Variants in BLTP1 observed in about 807,000 individuals in gnomAD.
The protein encoded by BLTP1 is bridge-like lipid transfer protein family member 1.
chr4:122,327,271 C>T, the BLTP1 span, among the ~76,000 whole-genome samples: 2 of 151,686 alleles, frequency 1.3e-5, no homozygotes, highest in East Asian at 3.9e-4. Flanking sequence ...CACAAATACT[C>T]GAGTCCCTTT....
chr4:122,331,868 C>A, the BLTP1 span: 2 of 669,698 alleles, frequency 3.0e-6, no homozygotes, highest in Non-Finnish European at 1.8e-6. Context: ...TAAAGAACAA[C>A]ACAATGCTCA....
At chr4:122,325,268 G>T in the BLTP1 span, 1 of 1,609,394 alleles carries the variant, frequency 6.2e-7, no homozygotes, top group Middle Eastern at 1.7e-4. Flanking sequence ...CCAGAAATCC[G>T]TGTGGATGCA....
chr4:122,185,158 C>T, the BLTP1 span: 1 of 983,570 alleles, frequency 1.0e-6, no homozygotes, highest in Non-Finnish European at 1.2e-6. Flanking sequence ...CAGTAGATTA[C>T]TAGGTGAAAA....
chr4:122,271,379 T>A, the BLTP1 span: 1 of 1,613,882 alleles, frequency 6.2e-7, no homozygotes, highest in East Asian at 2.2e-5. Context: ...CTTTCGTTCA[T>A]CTGACTTTAG....
the BLTP1 span, among the ~76,000 whole-genome samples, chr4:122,303,233 A>G: frequency 1.3e-5 from 2 of 152,196 alleles, no homozygotes; most frequent in African/African-American, 4.8e-5. Context: ...CCTATGCTCT[A>G]TCAGTGGAAC....
chr4:122,269,481 T>G, the BLTP1 span: 1 of 985,160 alleles, frequency 1.0e-6, no homozygotes, highest in Admixed American at 6.2e-5. Context: ...ACGCGCCAGC[T>G]CCGATGCTCC....
chr4:122,192,432 T>A, the BLTP1 span: 1 of 1,155,250 alleles, frequency 8.7e-7, no homozygotes, highest in Non-Finnish European at 1.2e-6. Context: ...TTTAGATGTA[T>A]ATAATTTTAA....
the BLTP1 span, chr4:122,271,865 A>G: frequency 2.8e-6 from 2 of 708,450 alleles, no homozygotes; most frequent in Non-Finnish European, 4.5e-6. Context: ...CCAGGGAAAT[A>G]AAACAGTAAT....
At chr4:122,361,090 GT>G in the BLTP1 span, among the ~76,000 whole-genome samples, 1 of 152,122 alleles carries the variant, frequency 6.6e-6, no homozygotes, top group Non-Finnish European at 1.5e-5. Flanking sequence ...TTGTAGGATC[GT>G]TACACTGGTT....
At chr4:122,344,348 A>G in the BLTP1 span, 3 of 1,607,542 alleles carry the variant, frequency 1.9e-6, no homozygotes, top group Non-Finnish European at 1.7e-6. Context: ...GTATATATAG[A>G]TGTGGGGGTT....
At chr4:122,303,279 A>G in the BLTP1 span, among the ~76,000 whole-genome samples, 1 of 152,328 alleles carries the variant, frequency 6.6e-6, no homozygotes, top group East Asian at 1.9e-4. Flanking sequence ...TTTTTACAAC[A>G]TGGTTCACTG....
chr4:122,269,829 T>C, the BLTP1 span: 3 of 311,116 alleles, frequency 9.6e-6, no homozygotes, highest in African/African-American at 6.8e-5. Context: ...CTAGTAAAAG[T>C]AGCTGCACGT....
chr4:122,347,425 G>A, the BLTP1 span: 1 of 1,440,898 alleles, frequency 6.9e-7, no homozygotes, highest in Non-Finnish European at 9.3e-7. Flanking sequence ...AATATGTAAT[G>A]TGATTAGAAA....
the BLTP1 span, chr4:122,250,659 G>A: frequency 7.6e-7 from 1 of 1,307,976 alleles, no homozygotes; most frequent in Non-Finnish European, 1.1e-6. Flanking sequence ...TTAGTTTCTG[G>A]AGTGTATTTG....
chr4:122,192,257 T>C, the BLTP1 span: 3 of 1,612,726 alleles, frequency 1.9e-6, no homozygotes, highest in Non-Finnish European at 2.5e-6. Context: ...CAGAAGAAAA[T>C]ATTGAAGGAG....
At chr4:122,328,198 G>GTTCTCCCAAAACTCCAGGAGGCTT in the BLTP1 span, 3 of 1,611,240 alleles carry the variant, frequency 1.9e-6, no homozygotes, top group Non-Finnish European at 2.5e-6. Flanking sequence ...TCTGTGTTCA[G>GTTCTCCCAAAACTCCAGGAGGCTT]TTCTCCCAAA....
At chr4:122,174,734 G>C in the BLTP1 span, 13,370 of 1,068,098 alleles carry the variant, frequency 0.013, 259 homozygotes, top group African/African-American at 0.08. Flanking sequence ...ATATTTTATT[G>C]AATGTGACTT....
chr4:122,351,535 A>G, the BLTP1 span, among the ~76,000 whole-genome samples: 1 of 152,176 alleles, frequency 6.6e-6, no homozygotes, highest in African/African-American at 2.4e-5. Context: ...TCCAATCCAA[A>G]GTCACAGGTT....
At chr4:122,362,149 G>A in the BLTP1 span, 1 of 1,613,510 alleles carries the variant, frequency 6.2e-7, no homozygotes, top group Non-Finnish European at 8.5e-7. Context: ...AGGAGTCATG[G>A]ATCCACTGGA....
Sources: gnomAD v4.1 joint callset for allele counts (sites outside exome capture counted in the v4.1 genomes callset) on GRCh38, gnomAD v4.1.1 for gene constraint, MANE v1.5 for transcripts, NCBI Gene and HGNC (gene_info 2026-07-23, HGNC 2026-07-21) for gene names.